The following ZGPAT variants were observed in gnomAD, a reference collection of about 807,000 sequenced individuals.
The protein encoded by ZGPAT is zinc finger CCCH-type with G patch domain-containing protein.
Under a neutral mutation model 47.9 loss-of-function variants are expected in ZGPAT, and 39 were observed. The observed-to-expected ratio is 0.81, with a 90% CI of 0.63 to 1.06. ZGPAT has a LOEUF of 1.06. Among genes scored for constraint, ZGPAT ranks in the 50% least tolerant of loss-of-function variants. The pLI is 0.00. For missense variants in ZGPAT, 717 were observed against 681.4 expected (o/e 1.05, Z -0.58); for synonymous variants, 348 against 292.9 (o/e 1.19, Z -1.92).
At chr20:63,716,393 C>T (rs1385210777) in intron 2 of ZGPAT, among the ~76,000 whole-genome samples, 3 of 152,138 alleles carry the variant, frequency 2.0e-5, no homozygotes, top group East Asian at 1.9e-4. Flanking sequence ...TTTATGTTAT[C>T]TAATCTGTTA....
chr20:63,714,309 C>A (rs2091703406), intron 2 of ZGPAT, among the ~76,000 whole-genome samples: 1 of 151,586 alleles, frequency 6.6e-6, no homozygotes, highest in African/African-American at 2.4e-5. Flanking sequence ...ACCTGTAGTC[C>A]CAGCTACTTG....
Position 63,735,735 on chromosome 20 carries a change from G to A in ZGPAT, c.1398-46G>A, listed in dbSNP as rs1317495005. ...CAGTGGGTACGGCAGACTGGGGTTG[G>A]TGGCATGGCCCAGGACCCCACGCTG... On this transcript the variant is annotated intron_variant, in intron 6 of 6. Coordinates refer to ENST00000355969, the MANE Select transcript of ZGPAT (RefSeq NM_181485.3). The A allele has an allele frequency of 5.8e-6, 9 of 1,559,372 alleles. No homozygotes were observed. In the Admixed American group the frequency reaches 5.8e-5, roughly 10 times the overall value.
intron 2 of ZGPAT, among the ~76,000 whole-genome samples, chr20:63,727,586 G>A (rs896736768): frequency 2.0e-5 from 3 of 149,934 alleles, no homozygotes; most frequent in African/African-American, 7.4e-5. Context: ...CCTGAGAATT[G>A]CTTGAACTTG....
rs755491802 is a variant in ZGPAT, at chr20:63,735,218, G to A, written c.1051G>A (p.Gly351Arg). The change falls in exon 6 of 7, where the codon GGG becomes AGG. Residue 351 changes from glycine (G) to arginine (R), a missense_variant. Gly to Arg is a moderately radical substitution (Grantham distance 125). Transcript: ENST00000355969. ...CATCCATGCTGTGGTGTTGCCTCGA[G>A]GGAAGTCGCTGGACCAGTGTGTGGA... ...EPIHAVVLPRGKSLDQCVETL... is the reference protein window; with the variant it reads ...EPIHAVVLPRRKSLDQCVETL... The A allele has an allele frequency of 1.3e-6, 2 of 1,569,648 alleles. No homozygotes were observed. Among genetic ancestry groups the A allele is most frequent in the Non-Finnish European group, 1.7e-6 (2 of 1,157,874 alleles).
At chr20:63,731,447 G>A (rs1338354367) in intron 2 of ZGPAT, among the ~76,000 whole-genome samples, 1 of 150,252 alleles carries the variant, frequency 6.7e-6, no homozygotes, top group Non-Finnish European at 1.5e-5. Context: ...AAAGTGTACA[G>A]TTGGTCCTTG....
rs1199121866 is a variant in ZGPAT, at chr20:63,733,739, G to T, written c.871G>T (p.Val291Leu). ...DGTGDSSYARVVGSDAVDSGT... is the reference protein window; with the variant it reads ...DGTGDSSYARLVGSDAVDSGT... ...TACGGGTGACTCCAGCTATGCCAGA[G>T]GTATGGCAGCAGCTGCGGAGCCCAG... The change falls in exon 4 of 7, where the codon GTG becomes TTG. Residue 291 changes from valine to leucine, a missense_variant and splice_region_variant. Transcript: ENST00000355969. 6.2e-7 allele frequency: 1 copy of T among 1,608,478 alleles called. No homozygotes were observed. The highest frequency in any genetic ancestry group is 8.5e-7 in the Non-Finnish European group (1 of 1,176,470).
chr20:63,711,298 C>G (rs1033867054), intron 2 of ZGPAT, among the ~76,000 whole-genome samples: 1 of 152,182 alleles, frequency 6.6e-6, no homozygotes, highest in South Asian at 2.1e-4. Context: ...GGTGCTCCCT[C>G]TGGGCCAGGC....
At chr20:63,715,104 A>T (rs2091712983) in intron 2 of ZGPAT, among the ~76,000 whole-genome samples, 1 of 150,902 alleles carries the variant, frequency 6.6e-6, no homozygotes, top group Non-Finnish European at 1.5e-5. Flanking sequence ...CTTTATTATT[A>T]TTATTTTTGT....
chr20:63,726,858 C>CACAACAAAATTGGGTGGAGGAT (rs1182503289), intron 2 of ZGPAT, among the ~76,000 whole-genome samples: 1 of 152,132 alleles, frequency 6.6e-6, no homozygotes, highest in Admixed American at 6.6e-5. Flanking sequence ...GTTTTAGGTT[C>CACAACAAAATTGGGTGGAGGAT]ACAACAAAAT....
chr20:63,722,881 T>G (rs2091802605), intron 2 of ZGPAT, among the ~76,000 whole-genome samples: 1 of 152,186 alleles, frequency 6.6e-6, no homozygotes, highest in Middle Eastern at 3.2e-3. Flanking sequence ...TCCGCCCATC[T>G]TGGCCTCCCA....
At chr20:63,725,810 G>A in intron 2 of ZGPAT, among the ~76,000 whole-genome samples, 1 of 146,506 alleles carries the variant, frequency 6.8e-6, no homozygotes, top group Non-Finnish European at 1.5e-5. Flanking sequence ...TCCTCAAACT[G>A]GATTATTTAT....
intron 2 of ZGPAT, among the ~76,000 whole-genome samples, chr20:63,722,448 GT>G (rs1417385272): frequency 6.6e-6 from 1 of 152,190 alleles, no homozygotes; most frequent in African/African-American, 2.4e-5. Flanking sequence ...CAGCAGAATA[GT>G]TGCTTTGCTG....
intron 2 of ZGPAT, among the ~76,000 whole-genome samples, chr20:63,732,678 G>A (rs1256986780): frequency 1.5e-5 from 1 of 65,654 alleles, no homozygotes; most frequent in East Asian, 2.3e-4. Flanking sequence ...ATATGCCTGT[G>A]TGCATGTGTG....
chr20:63,732,377 C>T (rs1358999230), intron 2 of ZGPAT, among the ~76,000 whole-genome samples: 5 of 130,654 alleles, frequency 3.8e-5, no homozygotes, highest in South Asian at 2.5e-4. Flanking sequence ...GGTGTGTGTG[C>T]GCGCATGTGT....
intron 2 of ZGPAT, among the ~76,000 whole-genome samples, chr20:63,711,767 T>C (rs563542465): frequency 6.6e-4 from 100 of 152,240 alleles, no homozygotes; most frequent in African/African-American, 2.1e-3. Context: ...TTTATATTTT[T>C]AGTAGAGGCA....
chr20:63,731,763 T>A (rs951209713), intron 2 of ZGPAT, among the ~76,000 whole-genome samples: 1 of 152,180 alleles, frequency 6.6e-6, no homozygotes, highest in Non-Finnish European at 1.5e-5. Flanking sequence ...GCCCTTGGTA[T>A]CTGCAGGTTC....
chr20:63,731,399 C>T (rs1230442679), intron 2 of ZGPAT, among the ~76,000 whole-genome samples: 5 of 147,200 alleles, frequency 3.4e-5, no homozygotes, highest in Non-Finnish European at 3.0e-5. Context: ...ACAGTTGGCC[C>T]TTGGTGTGTG....
chr20:63,734,900 G>C, intron 5 of ZGPAT, 76 bp downstream of exon 5: 3 of 1,477,644 alleles, frequency 2.0e-6, no homozygotes, highest in Non-Finnish European at 2.7e-6. Context: ...CAGGTTCCCG[G>C]GGTCCCGCAG....
chr20:63,735,332 C>G lies in ZGPAT; in HGVS notation c.1165C>G (p.Pro389Ala). 1 of 1,561,320 alleles carries G rather than the reference C, an allele frequency of 6.4e-7. No individual in the cohort carries two copies. Among genetic ancestry groups the G allele is most frequent in the Non-Finnish European group, 8.6e-7 (1 of 1,156,930 alleles). ...RGRGARPGGR[P>A]APRNVFDFLN... ...AAGAGGGGCCAGGCCTGGGGGCCGCCCAGCTCCTCGGAATGTGTTTGACTT... is the reference window on the plus strand; with the variant it reads ...AAGAGGGGCCAGGCCTGGGGGCCGCGCAGCTCCTCGGAATGTGTTTGACTT... Residue 389 changes from proline (P) to alanine (A), a missense_variant, in exon 6 of 7, where the codon CCA (proline) becomes GCA (alanine). Pro to Ala is a conservative substitution (Grantham distance 27). Transcript: ENST00000355969.
Sources: gnomAD v4.1 joint callset for allele counts (sites outside exome capture counted in the v4.1 genomes callset) on GRCh38, gnomAD v4.1.1 for gene constraint, MANE v1.5 for transcripts, NCBI Gene and HGNC (gene_info 2026-07-23, HGNC 2026-07-21) for gene names.